The following RSPH3 variants were observed in gnomAD, a reference collection of about 807,000 sequenced individuals.
RSPH3 encodes radial spoke head 3, also known as radial spoke head protein 3 homolog.
RSPH3 carries 21 observed loss-of-function variants against 43.8 expected under a neutral mutation model. The ratio of observed to expected loss-of-function variants is 0.48; its 90% CI spans 0.34 to 0.69. RSPH3 has a LOEUF of 0.69. Among genes scored for constraint, RSPH3 ranks in the 30% least tolerant of loss-of-function variants. The pLI, the probability that RSPH3 is intolerant of heterozygous loss-of-function variation, is 0.01. For missense variants in RSPH3, 487 were observed against 516.0 expected (o/e 0.94, Z 0.54); for synonymous variants, 173 against 179.8 (o/e 0.96, Z 0.30).
At chr6:158,987,111 C>T (rs1778257405) in intron 2 of RSPH3, among the ~76,000 whole-genome samples, 1 of 152,184 alleles carries the variant, frequency 6.6e-6, no homozygotes, top group African/African-American at 2.4e-5. Flanking sequence ...CAGTCTATCT[C>T]TCCCTTTAGA....
intron 1 of RSPH3, among the ~76,000 whole-genome samples, chr6:158,994,938 C>G (rs142009449): frequency 6.6e-6 from 1 of 152,192 alleles, no homozygotes; most frequent in East Asian, 1.9e-4. Context: ...CAGTGTTAAG[C>G]CCAGCTGGCC....
At chr6:158,991,279 G>A (rs1260902574) in intron 2 of RSPH3, among the ~76,000 whole-genome samples, 2 of 152,076 alleles carry the variant, frequency 1.3e-5, no homozygotes, top group Non-Finnish European at 2.9e-5. Context: ...AATGATTTTT[G>A]TTTGTATCCT....
chr6:158,998,779 G>A (rs375357010), intron 1 of RSPH3, among the ~76,000 whole-genome samples: 141 of 151,294 alleles, frequency 9.3e-4, no homozygotes, highest in African/African-American at 3.2e-3. Context: ...TCGTTTGATC[G>A]GGGAGGAGTG....
In RSPH3 at chr6:158,999,624, C is replaced by A. The variant is rs760602630; in HGVS notation, c.-74G>T. ...GGTGGGCGCTAAGGTGTTGTGGGAC[C>A]CGGAGAGATGTAAGTAGTGCCAAGG... is the stretch of plus-strand genomic sequence containing the variant. On this transcript the variant is annotated 5_prime_UTR_variant, in exon 1 of 8. Coordinates refer to ENST00000367069, the MANE Select transcript of RSPH3 (RefSeq NM_031924.8). The A allele has an allele frequency of 3.7e-6, 6 of 1,613,686 alleles. No individual in the cohort carries two copies. Among genetic ancestry groups the A allele is most frequent in the Non-Finnish European group, 5.1e-6 (6 of 1,179,750 alleles).
At position 158,987,492 on chromosome 6, in the gene RSPH3, T is replaced by C. The variant is rs191308174; in HGVS notation, c.205-1071A>G. Among the ~76,000 whole-genome samples the C allele has an allele frequency of 1.4e-4, 22 of 152,290 alleles. No individual in the cohort carries two copies. In the East Asian group the frequency reaches 4.3e-3, roughly 30 times the overall value. ...TATTATTGATAAAGCAAGGACTTAC[T>C]ACTACCATTCTGTTGCTTATTTTCT... On this transcript the variant is annotated intron_variant, in intron 2 of 7. Transcript: ENST00000367069.
At chr6:158,991,161 CT>C (rs1468345448) in intron 2 of RSPH3, among the ~76,000 whole-genome samples, 1 of 152,044 alleles carries the variant, frequency 6.6e-6, no homozygotes, top group Non-Finnish European at 1.5e-5. Flanking sequence ...TTGATTGTTG[CT>C]TTAAAATCCT....
In RSPH3 at chr6:158,980,809, C is replaced by T. The variant is rs770525375; in HGVS notation, c.824G>A (p.Arg275Lys). ...DLLPSVFGSL[R>K]DSGYFYDPIE... is the part of the protein sequence containing the mutation. ...GGGATCATAAAAGTAGCCACTATCC[C>T]TGAGGCTGCCAAAAACAGACGGGAG... Residue 275 changes from arginine (R) to lysine (K), a missense_variant, in exon 6 of 8, where the codon AGG becomes AAG. By Grantham distance (26) the Arg-to-Lys change is conservative. Coordinates refer to ENST00000367069, the MANE Select transcript of RSPH3 (RefSeq NM_031924.8). 1 of 1,614,088 alleles carries T rather than the reference C, an allele frequency of 6.2e-7. No individual in the cohort carries two copies. Among genetic ancestry groups the T allele is most frequent in the South Asian group, 1.1e-5 (1 of 91,084 alleles).
chr6:158,977,771 C>T lies in RSPH3; in HGVS notation c.1024G>A (p.Glu342Lys), dbSNP rs12204826. The T allele has an allele frequency of 0.021, 34,486 of 1,614,090 alleles. 421 individuals carry two copies. The highest frequency in any genetic ancestry group is 0.025 in the Middle Eastern group (150 of 6,062). Residue 342 changes from glutamate (E) to lysine (K), a missense_variant, in exon 8 of 8, where the codon GAG becomes AAG. Glu to Lys is a moderately conservative substitution (Grantham distance 56). Coordinates refer to ENST00000367069, the MANE Select transcript of RSPH3 (RefSeq NM_031924.8). ...GEDTHQSPEP[E>K]DEPGGPGAMT... The stretch of plus-strand genomic sequence containing the variant: ...GCTCCAGGACCACCAGGCTCATCCT[C>T]GGGTTCTGGAGACTGATGTGTGTCT...
chr6:158,999,914 G>T lies in RSPH3; in HGVS notation c.-364C>A, dbSNP rs1778806434. Reference sequence around the variant, plus strand: ...TCCGCCCAGCCGCGCCACCCAGGTAGGTGCGCCTGCGCTTTGCGAGGTTCC... The same window carrying T: ...TCCGCCCAGCCGCGCCACCCAGGTATGTGCGCCTGCGCTTTGCGAGGTTCC... On this transcript the variant is annotated 5_prime_UTR_variant, in exon 1 of 8. Coordinates refer to ENST00000367069, the MANE Select transcript of RSPH3 (RefSeq NM_031924.8). 1.9e-6 allele frequency: 3 copies of T among 1,612,674 alleles called. No individual in the cohort carries two copies. Among genetic ancestry groups the T allele is most frequent in the Non-Finnish European group, 8.5e-7 (1 of 1,179,530 alleles).
rs757935663 is a variant in RSPH3, at chr6:158,999,753, C to CCA, written c.-205_-204dup. On this transcript the variant is annotated 5_prime_UTR_variant, in exon 1 of 8. The change creates a premature stop within an existing upstream ORF in the 5' untranslated region. Coordinates refer to ENST00000367069, the MANE Select transcript of RSPH3 (RefSeq NM_031924.8). ...AGCTATACTGGGCTCGCTCCCAGCA[C>CCA]CACAGAGACCAGCTGCGGGGGCCGC... The CCA allele has an allele frequency of 6.8e-6, 11 of 1,611,310 alleles. No individual in the cohort carries two copies. In the South Asian group the frequency reaches 1.2e-4, roughly 18 times the overall value.
intron 5 of RSPH3, 76 bp downstream of exon 5, chr6:158,982,409 C>A: frequency 1.1e-6 from 1 of 881,044 alleles, no homozygotes; most frequent in Non-Finnish European, 1.7e-6. Flanking sequence ...TATGATATAT[C>A]ATCACATGTA....
intron 1 of RSPH3, among the ~76,000 whole-genome samples, chr6:158,996,970 C>T (rs1161070235): frequency 1.3e-5 from 2 of 152,158 alleles, no homozygotes; most frequent in East Asian, 3.8e-4. Context: ...AACTCTTACT[C>T]TCAAGAGACT....
intron 1 of RSPH3, among the ~76,000 whole-genome samples, chr6:158,997,265 T>C (rs1562568453): frequency 2.4e-5 from 3 of 126,490 alleles, no homozygotes; most frequent in African/African-American, 9.5e-5. Context: ...AGTACTCTCC[T>C]GAACACTTTT....
rs769580097 is a variant in RSPH3, at chr6:158,999,404, G to A, written c.116+31C>T. 3 of 1,486,496 alleles carry A rather than the reference G, an allele frequency of 2.0e-6. No individual in the cohort carries two copies. The Admixed American group carries it at 6.9e-5, about 34-fold the overall frequency. 92.1% of individuals were successfully genotyped at this position (1,486,496 alleles called of 1,614,324 possible). A position where few individuals can be genotyped will look rare whatever the true frequency, so the allele number is the denominator to read the frequency against. ...CGGCCTGGGGATGGGGTGCAAGTAT[G>A]GACCACACAGGGGCTGGCTTGGTCA... is the stretch of plus-strand genomic sequence containing the variant. On this transcript the variant is annotated intron_variant, in intron 1 of 7. Transcript: ENST00000367069.
chr6:158,999,687 G>T lies in RSPH3; in HGVS notation c.-137C>A. On this transcript the variant is annotated 5_prime_UTR_variant, in exon 1 of 8. Transcript: ENST00000367069. ...CGACGCGAGGAGAGGCGACAACAAG[G>T]GAGGCGGGCGGGACGGGAGGTTACC... 1 of 1,614,090 alleles carries T rather than the reference G, an allele frequency of 6.2e-7. No individual in the cohort carries two copies. Among genetic ancestry groups the T allele is most frequent in the Non-Finnish European group, 8.5e-7 (1 of 1,179,992 alleles).
intron 5 of RSPH3, 139 bp from the exon 6 acceptor site, chr6:158,981,075 T>C (rs1778018831): frequency 1.4e-6 from 1 of 738,084 alleles, no homozygotes; most frequent in East Asian, 2.6e-5. Flanking sequence ...GTTCATATTT[T>C]TCATCAAAAA....
intron 1 of RSPH3, among the ~76,000 whole-genome samples, chr6:158,995,433 C>T (rs1036298955): frequency 2.6e-5 from 4 of 152,104 alleles, no homozygotes; most frequent in South Asian, 2.1e-4. Context: ...CCTGGAGGTC[C>T]TGGGGAGAAT....
Position 158,986,432 on chromosome 6 carries a change from T to C in RSPH3, c.205-11A>G, listed in dbSNP as rs768203624. The stretch of plus-strand genomic sequence containing the variant: ...ATCAGGCCGTCCGAGCTAACAGTGA[T>C]AGAAAATACTTCTAGAATTTAGAAA... On this transcript the variant is annotated splice_polypyrimidine_tract_variant and intron_variant, in intron 2 of 7. Transcript: ENST00000367069. 3.1e-6 allele frequency: 5 copies of C among 1,596,500 alleles called. No homozygotes were observed. The highest frequency in any genetic ancestry group is 2.2e-5 in the East Asian group (1 of 44,778).
chr6:158,984,004 C>T (rs1778126824), intron 3 of RSPH3, among the ~76,000 whole-genome samples, 197 bp from the exon 4 acceptor site: 1 of 151,924 alleles, frequency 6.6e-6, no homozygotes, highest in African/African-American at 2.4e-5. Flanking sequence ...CGTGGTGGTG[C>T]GTGCCTGTGG....
Sources: gnomAD v4.1 joint callset for allele counts (sites outside exome capture counted in the v4.1 genomes callset) on GRCh38, gnomAD v4.1.1 for gene constraint, MANE v1.5 for transcripts, NCBI Gene and HGNC (gene_info 2026-07-23, HGNC 2026-07-21) for gene names.